SLC49A3: variants seen among roughly 807,000 people sequenced by gnomAD.
SLC49A3 encodes the protein solute carrier family 49 member 3.
SLC49A3 carries 50 observed loss-of-function variants against 43.8 expected under a neutral mutation model. The observed-to-expected ratio is 1.14, with a 90% CI of 0.91 to 1.45. The LOEUF is 1.45. Among genes scored for constraint, SLC49A3 ranks in the 40% most tolerant of loss-of-function variants. The probability of loss-of-function intolerance (pLI) is 0.00; values close to 1 mark genes in which losing one functional copy is unlikely to be tolerated. For synonymous variants in SLC49A3, 413 were observed against 352.0 expected, an observed-to-expected ratio of 1.17 and a Z score of -1.94; for missense variants, 906 against 774.1, an observed-to-expected ratio of 1.17 and a Z score of -2.02.
chr4:676,984 C>G, downstream of SLC49A3: 8 of 959,128 alleles, frequency 8.3e-6, no homozygotes, highest in African/African-American at 1.8e-5. Context: ...GGTAGGACCT[C>G]TGCTCAAGAG....
At position 687,655 on chromosome 4, in the gene SLC49A3, C is replaced by T. The variant is rs75382065; in HGVS notation, c.136-965G>A. 2.7e-3 allele frequency among the ~76,000 whole-genome samples: 412 copies of T among 152,322 alleles called. 1 individual carries two copies. Among genetic ancestry groups the T allele is most frequent in the Non-Finnish European group, 3.6e-3 (248 of 68,026 alleles). On this transcript the variant is annotated intron_variant, in intron 1 of 9. Transcript: ENST00000322224. ...TGAGAAGAGATGCGTCTGAAGCGTGCGGGGCAACGTGGGAGGACGATCTGT... is the reference window on the plus strand; with the variant it reads ...TGAGAAGAGATGCGTCTGAAGCGTGTGGGGCAACGTGGGAGGACGATCTGT...
chr4:689,167 C>CG, upstream of SLC49A3: 1 of 1,275,360 alleles, frequency 7.8e-7, no homozygotes, highest in Non-Finnish European at 9.9e-7. Flanking sequence ...TCCCGCCGGC[C>CG]GCCCGGGCTT....
chr4:684,573 G>T lies in SLC49A3; in HGVS notation c.750C>A (p.Ile250=). ...KLLMWNKAYV[I]LAVCLGGMIG... is the part of the protein sequence containing the mutation. ...TCATTCCCCCCAAGCACACAGCCAGGATGACATAGGCCTTGTTCCACATGA... is the reference window on the plus strand; with the variant it reads ...TCATTCCCCCCAAGCACACAGCCAGTATGACATAGGCCTTGTTCCACATGA... The change falls in exon 6 of 10, where the codon ATC becomes ATA. Residue 250 remains isoleucine, a synonymous_variant. Coordinates refer to ENST00000322224, the MANE Select transcript of SLC49A3 (RefSeq NM_032219.4). 3 of 1,613,114 alleles carry T rather than the reference G, an allele frequency of 1.9e-6. No homozygotes were observed. Among genetic ancestry groups the T allele is most frequent in the Non-Finnish European group, 2.5e-6 (3 of 1,179,952 alleles).
downstream of SLC49A3, among the ~76,000 whole-genome samples, chr4:677,249 G>A (rs1738935871): frequency 6.6e-6 from 1 of 152,144 alleles, no homozygotes; most frequent in Non-Finnish European, 1.5e-5. Flanking sequence ...CCCACCCCTT[G>A]AACCAGGGCA....
Position 683,650 on chromosome 4 carries a change from C to T in SLC49A3, c.952G>A (p.Gly318Ser). 6.2e-7 allele frequency: 1 copy of T among 1,612,436 alleles called. No individual in the cohort carries two copies. Among genetic ancestry groups the T allele is most frequent in the African/African-American group, 1.3e-5 (1 of 75,042 alleles). ...TKHFTEATKIGLCLFSLACVP... is the reference protein window; with the variant it reads ...TKHFTEATKISLCLFSLACVP... ...CAGGCCAGAGAGAACAGGCACAGGC[C>T]AATCTTGGTGGCCTCAGTGAAGTGC... The change falls in exon 7 of 10, where the codon GGC becomes AGC. Residue 318 changes from glycine (G) to serine (S), a missense_variant. Transcript: ENST00000322224.
chr4:686,373 G>A, intron 2 of SLC49A3, 71 bp from the exon 3 acceptor site: 2 of 1,581,018 alleles, frequency 1.3e-6, no homozygotes, highest in South Asian at 1.2e-5. Flanking sequence ...CGTCCCCCGA[G>A]CACCTGGACC....
upstream of SLC49A3, among the ~76,000 whole-genome samples, chr4:689,725 G>A (rs1741712634): frequency 2.0e-5 from 3 of 152,268 alleles, no homozygotes; most frequent in Non-Finnish European, 4.4e-5. Context: ...TAGGCAGTCC[G>A]CCACACACGC....
chr4:689,401 C>T (rs1484564493), upstream of SLC49A3: 1 of 272,722 alleles, frequency 3.7e-6, no homozygotes, highest in Non-Finnish European at 6.8e-6. Context: ...CCGAATGTCC[C>T]TTCCGGGAAG....
At chr4:677,039 C>T (rs1176667188), downstream of SLC49A3, 5 of 543,170 alleles carry the variant, frequency 9.2e-6, no homozygotes, top group Non-Finnish European at 1.2e-5. Flanking sequence ...GACACGGTGG[C>T]GCCCCCAGGG....
downstream of SLC49A3, among the ~76,000 whole-genome samples, chr4:677,674 A>C (rs1738983408): frequency 6.6e-6 from 1 of 152,174 alleles, no homozygotes; most frequent in Non-Finnish European, 1.5e-5. Context: ...CTGCAGTTCC[A>C]GGGTGCCCAG....
chr4:679,795 C>T, downstream of SLC49A3: 5 of 815,368 alleles, frequency 6.1e-6, no homozygotes, highest in Non-Finnish European at 1.0e-5. Flanking sequence ...CCAAGCGTCT[C>T]CTTCCCGCTC....
downstream of SLC49A3, among the ~76,000 whole-genome samples, chr4:681,473 G>T (rs901806608): frequency 1.5e-5 from 2 of 131,724 alleles, no homozygotes; most frequent in Admixed American, 8.3e-5. Flanking sequence ...AGCCCCAGCG[G>T]GCGAGACTAA....
At chr4:688,884 G>A (rs1741567646) in intron 1 of SLC49A3, 109 bp downstream of exon 1, 4 of 1,415,458 alleles carry the variant, frequency 2.8e-6, no homozygotes, top group Non-Finnish European at 9.2e-7. Flanking sequence ...GGCACCCCCC[G>A]CCCCCAGCCA....
intron 9 of SLC49A3, 33 bp downstream of exon 9, chr4:682,748 C>G: frequency 6.7e-7 from 1 of 1,494,118 alleles, no homozygotes; most frequent in Non-Finnish European, 9.1e-7. Context: ...CTCACCTGTC[C>G]TGTTCCCTGG....
At chr4:680,863 G>C, downstream of SLC49A3, 1 of 640,824 alleles carries the variant, frequency 1.6e-6, no homozygotes, top group Non-Finnish European at 2.7e-6. Flanking sequence ...AAAGTACCAG[G>C]CGCTGGCCTG....
downstream of SLC49A3, among the ~76,000 whole-genome samples, chr4:681,634 AGCGCCGCC>A: frequency 9.4e-4 from 2 of 2,136 alleles, 1 homozygote; most frequent in Non-Finnish European, 2.1e-3. Context: ...CGCCCCCTCC[AGCGCCGCC>A]CCGCCCCCTC....
chr4:689,080 G>A lies in SLC49A3; in HGVS notation c.48C>T (p.Ala16=), dbSNP rs760338484. Residue 16 remains alanine (A), a synonymous_variant, in exon 1 of 10, where the codon GCC becomes GCT. Coordinates refer to ENST00000322224, the MANE Select transcript of SLC49A3 (RefSeq NM_032219.4). ...EAETGLAEPR[A]LCAQRGHRTY... Reference sequence around the variant, plus strand: ...TGCGGTGGCCCCGCTGCGCGCACAGGGCCCGGGGCTCGGCCAACCCCGTCT... The same window carrying A: ...TGCGGTGGCCCCGCTGCGCGCACAGAGCCCGGGGCTCGGCCAACCCCGTCT... The A allele has an allele frequency of 1.9e-6, 3 of 1,551,086 alleles. No individual in the cohort carries two copies. In the Admixed American group the frequency reaches 5.7e-5, roughly 30 times the overall value.
At chr4:686,999 G>A (rs1462814109) in intron 1 of SLC49A3, among the ~76,000 whole-genome samples, 1 of 152,240 alleles carries the variant, frequency 6.6e-6, no homozygotes, top group African/African-American at 2.4e-5. Context: ...GCGCTCCAAG[G>A]CAGGGAAAGG....
Position 683,317 on chromosome 4 carries a change from C to G in SLC49A3, c.1044G>C (p.Leu348=). 1 of 1,612,532 alleles carries G rather than the reference C, an allele frequency of 6.2e-7. No individual in the cohort carries two copies. The highest frequency in any genetic ancestry group is 1.3e-5 in the African/African-American group (1 of 75,030). ...CCACCGAGAAGCCAAACAGCCCGAG[C>G]AGCGAGCAGGTGGCAGCCAGGGCAA... ...QTLALAATCS[L]LGLFGFSVGP... The change falls in exon 8 of 10, where the codon CTG becomes CTC. Residue 348 remains leucine (L), a synonymous_variant. Coordinates refer to ENST00000322224, the MANE Select transcript of SLC49A3 (RefSeq NM_032219.4).
Sources: allele counts gnomAD v4.1 joint callset (sites outside exome capture counted in the v4.1 genomes callset), GRCh38; gene constraint gnomAD v4.1.1; transcripts MANE v1.5; gene names NCBI Gene and HGNC (gene_info 2026-07-23, HGNC 2026-07-21).